HKDC1: variants seen among roughly 807,000 people sequenced by gnomAD.
The protein encoded by HKDC1 is hexokinase domain containing 1.
A neutral mutation model predicts 96.6 loss-of-function variants in HKDC1; 66 were observed. The observed-to-expected ratio is 0.68, with a 90% CI of 0.56 to 0.84. HKDC1 has a LOEUF of 0.84. Ranked by LOEUF, HKDC1 falls within the 40% of genes least tolerant of loss-of-function variation. The pLI, the probability that HKDC1 is intolerant of heterozygous loss-of-function variation, is 0.00. For synonymous variants in HKDC1, 466 were observed against 473.1 expected (o/e 0.98, Z 0.20); for missense variants, 1,211 against 1,208.1 (o/e 1.00, Z -0.04).
Position 69,257,073 on chromosome 10 carries a change from C to G in HKDC1, c.1874C>G (p.Thr625Ser). The change falls in exon 13 of 18, where the codon ACT becomes AGT. Residue 625 changes from threonine to serine, a missense_variant. By Grantham distance (58) the Thr-to-Ser change is moderately conservative. Transcript: ENST00000354624. ...GGGTGGACCAAAGGTTTCAAGGCCACTGACTGTGAAGGGGAGGACGTGGTG... is the reference window on the plus strand; with the variant it reads ...GGGTGGACCAAAGGTTTCAAGGCCAGTGACTGTGAAGGGGAGGACGTGGTG... ...LIGWTKGFKA[T>S]DCEGEDVVDM... 1 of 1,614,142 alleles carries G rather than the reference C, an allele frequency of 6.2e-7. No individual in the cohort carries two copies. Among genetic ancestry groups the G allele is most frequent in the East Asian group, 2.2e-5 (1 of 44,884 alleles).
In HKDC1 at chr10:69,248,710, G is replaced by C. The variant is rs764925231; in HGVS notation, c.1552G>C (p.Gly518Arg). 12 of 1,609,634 alleles carry C rather than the reference G, an allele frequency of 7.5e-6. No homozygotes were observed. Among genetic ancestry groups the C allele is most frequent in the Non-Finnish European group, 8.5e-6 (10 of 1,177,202 alleles). The change falls in exon 10 of 18, where the codon GGG (glycine) becomes CGG (arginine). Residue 518 changes from glycine to arginine, a missense_variant. Transcript: ENST00000354624. The part of the protein sequence containing the change: ...TVRMLPTYVC[G>R]LPDGTEKGKF... ...CAGGATGCTGCCCACCTACGTCTGC[G>C]GGCTGCCGGACGGCACAGGTGGGCC... is the stretch of plus-strand genomic sequence containing the variant.
chr10:69,229,856 C>T (rs186139520), intron 2 of HKDC1, among the ~76,000 whole-genome samples: 82 of 152,246 alleles, frequency 5.4e-4, no homozygotes, highest in Middle Eastern at 6.8e-3. Context: ...CTTGGTAAAT[C>T]CCGGCACCAT....
At chr10:69,261,078 C>T (rs941658627) in intron 15 of HKDC1, 61 bp from the exon 16 acceptor site, 2 of 1,513,364 alleles carry the variant, frequency 1.3e-6, no homozygotes, top group African/African-American at 1.4e-5. Context: ...CTGGCCTTCT[C>T]ACATCATGTG....
intron 12 of HKDC1, among the ~76,000 whole-genome samples, chr10:69,250,932 G>C (rs1843632638): frequency 6.6e-6 from 1 of 152,166 alleles, no homozygotes; most frequent in South Asian, 2.1e-4. Context: ...TATGGAGAGA[G>C]GGAGAAAGAG....
intron 2 of HKDC1, among the ~76,000 whole-genome samples, chr10:69,228,297 C>A (rs745938130): frequency 2.2e-4 from 33 of 152,164 alleles, no homozygotes; most frequent in Non-Finnish European, 3.5e-4. Context: ...ATTTAAAGAT[C>A]CTGTGATCAC....
chr10:69,256,482 G>A (rs745691049), intron 12 of HKDC1, among the ~76,000 whole-genome samples: 1 of 152,192 alleles, frequency 6.6e-6, no homozygotes, highest in Non-Finnish European at 1.5e-5. Context: ...CAAGTCAGGC[G>A]GATCACCTGA....
chr10:69,265,088 G>C, intron 16 of HKDC1, among the ~76,000 whole-genome samples: 1 of 152,236 alleles, frequency 6.6e-6, no homozygotes, highest in East Asian at 1.9e-4. Flanking sequence ...GAGAAAAAGG[G>C]AAGAAAGTGC....
Position 69,220,403 on chromosome 10 carries a change from T to G in HKDC1, c.-33T>G, listed in dbSNP as rs1179699068. On this transcript the variant is annotated 5_prime_UTR_variant, in exon 1 of 18. Transcript: ENST00000354624. Reference sequence around the variant, plus strand: ...GGAGTGAACACTGCACAGGAATCTCTGCCCATCTCAGGAGAAACCAAACTT... The same window carrying G: ...GGAGTGAACACTGCACAGGAATCTCGGCCCATCTCAGGAGAAACCAAACTT... The G allele has an allele frequency of 1.9e-6, 3 of 1,557,690 alleles. No homozygotes were observed. The African/African-American group carries it at 4.1e-5, about 21-fold the overall frequency.
chr10:69,259,638 C>T (rs1843776415), intron 15 of HKDC1, among the ~76,000 whole-genome samples: 2 of 152,216 alleles, frequency 1.3e-5, no homozygotes. Context: ...GTTTAATTGG[C>T]TCACAGTTCC....
At chr10:69,244,113 C>T (rs1304124030) in intron 7 of HKDC1, among the ~76,000 whole-genome samples, 1 of 152,122 alleles carries the variant, frequency 6.6e-6, no homozygotes, top group Non-Finnish European at 1.5e-5. Flanking sequence ...CTGGCAGGAC[C>T]TTCCCTCTGT....
chr10:69,232,496 C>T (rs1484640047), intron 2 of HKDC1: 6 of 479,116 alleles, frequency 1.3e-5, no homozygotes, highest in Non-Finnish European at 2.3e-5. Flanking sequence ...CATTTGCCCT[C>T]TCCAGTTGAC....
At position 69,261,126 on chromosome 10, in the gene HKDC1, C is replaced by A; in HGVS notation, c.2217-13C>A. The A allele has an allele frequency of 6.2e-7, 1 of 1,609,034 alleles. No homozygotes were observed. Among genetic ancestry groups the A allele is most frequent in the Non-Finnish European group, 8.5e-7 (1 of 1,175,664 alleles). On this transcript the variant is annotated splice_polypyrimidine_tract_variant and intron_variant, in intron 15 of 17. Coordinates refer to ENST00000354624, the MANE Select transcript of HKDC1 (RefSeq NM_025130.4). ...GCAGGTCTGCCCCAACCTTATCCTT[C>A]TTCTCCAAACAGATACGAGAAAATG...
chr10:69,265,479 C>T, intron 16 of HKDC1, 106 bp from the exon 17 acceptor site: 1 of 966,414 alleles, frequency 1.0e-6, no homozygotes, highest in Middle Eastern at 2.4e-4. Flanking sequence ...GTCAATTTCT[C>T]CTCCCTCCTG....
At chr10:69,264,377 C>CTT (rs577342194) in intron 16 of HKDC1, among the ~76,000 whole-genome samples, 103 of 142,100 alleles carry the variant, frequency 7.2e-4, no homozygotes, top group African/African-American at 2.2e-3. Flanking sequence ...GCAAACTCAT[C>CTT]TTTTTTTTTT....
chr10:69,237,587 C>CT (rs907123235), intron 4 of HKDC1, among the ~76,000 whole-genome samples: 79 of 152,240 alleles, frequency 5.2e-4, no homozygotes, highest in African/African-American at 1.9e-3. Flanking sequence ...ATGTAATTGC[C>CT]TTTTTAATTT....
chr10:69,221,507 C>T (rs1843063538), intron 1 of HKDC1, among the ~76,000 whole-genome samples: 1 of 152,028 alleles, frequency 6.6e-6, no homozygotes, highest in Non-Finnish European at 1.5e-5. Flanking sequence ...GACAGAAGTC[C>T]TCCTAGCAGG....
intron 1 of HKDC1, among the ~76,000 whole-genome samples, chr10:69,222,043 G>A (rs77852351): frequency 0.093 from 14,174 of 152,256 alleles, 729 homozygotes; most frequent in South Asian, 0.14. Flanking sequence ...CCAACATGGT[G>A]AAACCCCGTC....
chr10:69,266,786 T>C lies in HKDC1; in HGVS notation c.*29T>C. The C allele has an allele frequency of 6.2e-7, 1 of 1,600,968 alleles. No homozygotes were observed. Among genetic ancestry groups the C allele is most frequent in the Non-Finnish European group, 8.5e-7 (1 of 1,173,784 alleles). ...CCCCTGGGATTGGACCTGATGCATC[T>C]TGGATACTGAACAGCTTTTCCTCTG... On this transcript the variant is annotated 3_prime_UTR_variant, in exon 18 of 18. Transcript: ENST00000354624.
At chr10:69,224,604 C>T (rs1364789440) in intron 1 of HKDC1, among the ~76,000 whole-genome samples, 1 of 152,148 alleles carries the variant, frequency 6.6e-6, no homozygotes, top group Non-Finnish European at 1.5e-5. Flanking sequence ...TTATGGTTCT[C>T]CATAGTCAGG....
Sources: allele counts gnomAD v4.1 joint callset (sites outside exome capture counted in the v4.1 genomes callset), GRCh38; gene constraint gnomAD v4.1.1; transcripts MANE v1.5; gene names NCBI Gene and HGNC (gene_info 2026-07-23, HGNC 2026-07-21).